NRG1: variants seen among roughly 807,000 people sequenced by gnomAD.
The protein encoded by NRG1 is neuregulin 1.
A neutral mutation model predicts 63.8 loss-of-function variants in NRG1; 18 were observed. The observed-to-expected ratio is 0.28, with a 90% CI of 0.19 to 0.42. The LOEUF (loss-of-function observed/expected upper bound fraction) is 0.42. Among genes scored for constraint, NRG1 ranks in the 10% least tolerant of loss-of-function variants. The pLI, the probability that NRG1 is intolerant of heterozygous loss-of-function variation, is 1.00. For synonymous variants in NRG1, 302 were observed against 301.3 expected, an observed-to-expected ratio of 1.00 and a Z score of -0.02; for missense variants, 762 against 814.7, an observed-to-expected ratio of 0.94 and a Z score of 0.79.
intron 1 of NRG1, among the ~76,000 whole-genome samples, chr8:31,887,312 G>A (rs568279079): frequency 2.0e-5 from 3 of 152,160 alleles, no homozygotes; most frequent in East Asian, 1.9e-4. Flanking sequence ...GCTTTCAGGC[G>A]CTCAATAAAT....
At chr8:32,331,149 C>G (rs1802595987) in intron 1 of NRG1, among the ~76,000 whole-genome samples, 1 of 151,956 alleles carries the variant, frequency 6.6e-6, no homozygotes, top group Non-Finnish European at 1.5e-5. Flanking sequence ...GAGTTAATTT[C>G]TCTCTCCAGT....
chr8:31,803,507 A>G (rs866954118), intron 1 of NRG1, among the ~76,000 whole-genome samples: 1 of 152,176 alleles, frequency 6.6e-6, no homozygotes, highest in Non-Finnish European at 1.5e-5. Flanking sequence ...CTAGTGGACC[A>G]TATTGAATTT....
At chr8:32,026,954 A>G (rs1446501174) in intron 1 of NRG1, among the ~76,000 whole-genome samples, 1 of 152,016 alleles carries the variant, frequency 6.6e-6, no homozygotes, top group African/African-American at 2.4e-5. Context: ...ATTTCTCTGT[A>G]TCAGTAACTT....
At chr8:32,536,075 A>G (rs897645752) in intron 1 of NRG1, among the ~76,000 whole-genome samples, 10 of 152,348 alleles carry the variant, frequency 6.6e-5, no homozygotes, top group Admixed American at 3.9e-4. Context: ...AATGCAATTC[A>G]ATCTTAGCAT....
chr8:32,439,625 A>T (rs1412282926), intron 1 of NRG1, among the ~76,000 whole-genome samples: 1 of 152,154 alleles, frequency 6.6e-6, no homozygotes, highest in Non-Finnish European at 1.5e-5. Context: ...AATACATCAG[A>T]ACTTAACAAA....
intron 1 of NRG1, among the ~76,000 whole-genome samples, chr8:31,969,832 T>G (rs990747942): frequency 1.3e-5 from 2 of 152,144 alleles, no homozygotes; most frequent in African/African-American, 4.8e-5. Flanking sequence ...GAAGTATGTG[T>G]GCTCTGGGCA....
intron 1 of NRG1, among the ~76,000 whole-genome samples, chr8:32,011,681 C>T (rs903767634): frequency 1.3e-5 from 2 of 152,054 alleles, no homozygotes; most frequent in African/African-American, 4.8e-5. Flanking sequence ...CCCTCTCCTC[C>T]AGAGTTTACA....
At chr8:32,219,978 C>A (rs1303306016) in intron 1 of NRG1, among the ~76,000 whole-genome samples, 1 of 152,048 alleles carries the variant, frequency 6.6e-6, no homozygotes, top group Non-Finnish European at 1.5e-5. Flanking sequence ...AAGAGACACA[C>A]CCCCGGCTGT....
intron 2 of NRG1, among the ~76,000 whole-genome samples, chr8:32,598,037 T>C (rs1486594473): frequency 6.6e-6 from 1 of 152,178 alleles, no homozygotes; most frequent in African/African-American, 2.4e-5. Flanking sequence ...CATTTATTTC[T>C]ACGTGGCTGT....
chr8:32,554,975 G>T (rs895072786), intron 1 of NRG1, among the ~76,000 whole-genome samples: 3 of 151,218 alleles, frequency 2.0e-5, no homozygotes. Flanking sequence ...TCTACTGGAA[G>T]AACAGAGTCC....
At chr8:31,719,048 G>C (rs1324613807) in intron 1 of NRG1, among the ~76,000 whole-genome samples, 6 of 152,158 alleles carry the variant, frequency 3.9e-5, no homozygotes, top group African/African-American at 1.4e-4. Flanking sequence ...ATATGTATCA[G>C]TGTGATCTGG....
intron 1 of NRG1, among the ~76,000 whole-genome samples, chr8:32,257,760 C>G (rs1346857872): frequency 6.6e-6 from 1 of 152,206 alleles, no homozygotes; most frequent in African/African-American, 2.4e-5. Flanking sequence ...TCCTAAAAGA[C>G]CACTATTGAC....
rs1442057402 is a variant in NRG1, at chr8:32,530,623, TG to T, written c.38-65203del. ...TTTCCATTCCTTTCTCTTTCCTCTC[TG>T]GTCACATCCCTATTCCACATTTGTT... On this transcript the variant is annotated intron_variant, in intron 1 of 10. Coordinates refer to the NRG1 transcript ENST00000519301. Among the ~76,000 whole-genome samples the T allele has an allele frequency of 2.0e-5, 3 of 152,346 alleles. No individual in the cohort carries two copies. In the East Asian group the frequency reaches 5.8e-4, roughly 29 times the overall value.
chr8:32,366,371 T>TC (rs1468617869), intron 1 of NRG1, among the ~76,000 whole-genome samples: 1 of 152,022 alleles, frequency 6.6e-6, no homozygotes, highest in Non-Finnish European at 1.5e-5. Flanking sequence ...TCTCAGCCTC[T>TC]AGTAACTACC....
chr8:32,586,226 T>C (rs1029232364), intron 1 of NRG1, among the ~76,000 whole-genome samples: 2 of 146,122 alleles, frequency 1.4e-5, no homozygotes, highest in African/African-American at 5.0e-5. Context: ...ATATACTATA[T>C]ATAAATATAC....
chr8:32,550,698 G>A (rs1464137769), intron 1 of NRG1, among the ~76,000 whole-genome samples: 1 of 152,200 alleles, frequency 6.6e-6, no homozygotes, highest in Non-Finnish European at 1.5e-5. Flanking sequence ...CAGCTGTCTT[G>A]TGATTAGCTA....
intron 1 of NRG1, among the ~76,000 whole-genome samples, chr8:32,027,217 T>G (rs957501673): frequency 1.3e-5 from 2 of 152,126 alleles, no homozygotes; most frequent in Admixed American, 6.5e-5. Context: ...TTGAGTAGTA[T>G]TTTTATGTTT....
intron 1 of NRG1, among the ~76,000 whole-genome samples, chr8:32,481,665 A>G (rs912630803): frequency 1.3e-5 from 2 of 152,250 alleles, no homozygotes; most frequent in African/African-American, 4.8e-5. Flanking sequence ...GCCTTAATTG[A>G]TTCACCTCTA....
At chr8:32,231,718 T>C (rs1846965434) in intron 1 of NRG1, among the ~76,000 whole-genome samples, 1 of 151,850 alleles carries the variant, frequency 6.6e-6, no homozygotes. Context: ...CTGACCAATA[T>C]GGTAAACTCC....
Sources: gnomAD v4.1 joint callset for allele counts (sites outside exome capture counted in the v4.1 genomes callset) on GRCh38, gnomAD v4.1.1 for gene constraint, MANE v1.5 for transcripts, NCBI Gene and HGNC (gene_info 2026-07-23, HGNC 2026-07-21) for gene names.